Variants in UNC5B observed in about 807,000 individuals in gnomAD.
UNC5B encodes the protein unc-5 netrin receptor B, also known as netrin receptor UNC5B.
UNC5B carries 56 observed loss-of-function variants against 103.7 expected under a neutral mutation model. That is an observed-to-expected ratio of 0.54 (90% CI 0.44 to 0.67). The LOEUF (loss-of-function observed/expected upper bound fraction) is 0.67. Ranked by LOEUF, UNC5B falls within the 30% of genes least tolerant of loss-of-function variation. UNC5B has a pLI of 0.00. For synonymous variants in UNC5B, 577 were observed against 542.0 expected (o/e 1.06, Z -0.90); for missense variants, 1,194 against 1,284.5 (o/e 0.93, Z 1.08).
chr10:71,218,612 G>T (rs972313434), intron 1 of UNC5B, among the ~76,000 whole-genome samples: 10 of 152,230 alleles, frequency 6.6e-5, no homozygotes, highest in Admixed American at 4.6e-4. Flanking sequence ...GGGGAGGAAG[G>T]TTGGCAGAGA....
intron 15 of UNC5B, 75 bp downstream of exon 15, chr10:71,296,817 TCCA>T: frequency 7.2e-7 from 1 of 1,387,656 alleles, no homozygotes. Context: ...GGGCAGATAT[TCCA>T]GCTGCACACC....
rs766964717 is a variant in UNC5B, at chr10:71,292,567, C to T, written c.1772+13C>T. ...CAGAAAGTACCCTGTGAGTAGAGCC[C>T]CAGCCGCTGCTCCTTTTTCTTCCTC... On this transcript the variant is annotated intron_variant, in intron 11 of 16. Coordinates refer to ENST00000335350, the MANE Select transcript of UNC5B (RefSeq NM_170744.5). 1.3e-6 allele frequency: 2 copies of T among 1,585,642 alleles called. No individual in the cohort carries two copies. Among genetic ancestry groups the T allele is most frequent in the Non-Finnish European group, 1.7e-6 (2 of 1,164,452 alleles).
At chr10:71,234,082 AG>A (rs1477251996) in intron 1 of UNC5B, among the ~76,000 whole-genome samples, 2 of 152,224 alleles carry the variant, frequency 1.3e-5, no homozygotes, top group Non-Finnish European at 2.9e-5. Context: ...GGTTAGGTCA[AG>A]TGTGAAGTTA....
chr10:71,234,945 C>T lies in UNC5B; in HGVS notation c.79+21881C>T, dbSNP rs148509477. ...GGATTTGGCATCCAGATCCCCTCCC[C>T]AGCAGGCCAGATAGATTCCCACTGG... On this transcript the variant is annotated intron_variant, in intron 1 of 16. Coordinates refer to ENST00000335350, the MANE Select transcript of UNC5B (RefSeq NM_170744.5). Among the ~76,000 whole-genome samples, 1,065 of 152,296 alleles carry T rather than the reference C, an allele frequency of 7.0e-3. 7 individuals are homozygous for T. Among genetic ancestry groups the T allele is most frequent in the South Asian group, 0.025 (122 of 4,832 alleles).
intron 2 of UNC5B, among the ~76,000 whole-genome samples, chr10:71,280,791 T>C (rs372872666): frequency 3.3e-5 from 5 of 152,204 alleles, no homozygotes; most frequent in African/African-American, 9.7e-5. Flanking sequence ...CTGTTGATAG[T>C]GCAGGAGCCC....
At chr10:71,259,397 A>G (rs1347546733) in intron 1 of UNC5B, among the ~76,000 whole-genome samples, 5 of 152,108 alleles carry the variant, frequency 3.3e-5, no homozygotes, top group African/African-American at 1.2e-4. Flanking sequence ...AAAAAAAAAA[A>G]AAAAGGAAAA....
At chr10:71,291,207 A>G in intron 9 of UNC5B, 98 bp downstream of exon 9, 1 of 1,453,596 alleles carries the variant, frequency 6.9e-7, no homozygotes, top group Admixed American at 2.1e-5. Context: ...ACTCCCTCCC[A>G]GGGTTTTTCC....
At chr10:71,278,917 G>T (rs922850528) in intron 1 of UNC5B, among the ~76,000 whole-genome samples, 6 of 152,262 alleles carry the variant, frequency 3.9e-5, no homozygotes, top group African/African-American at 1.4e-4. Context: ...TAAACCAGCA[G>T]GTCAATGGCC....
At chr10:71,280,424 A>G (rs1844894619) in intron 2 of UNC5B, among the ~76,000 whole-genome samples, 1 of 152,206 alleles carries the variant, frequency 6.6e-6, no homozygotes, top group South Asian at 2.1e-4. Flanking sequence ...TTATTTTTAC[A>G]GTTCCCTTCT....
rs111720388 is a variant in UNC5B at position 71,276,445 on chromosome 10, T to C, written c.80-3376T>C. Reference sequence around the variant, plus strand: ...GCCAAGGAGAAGTGAGGGCTCTCGTTGTTTTGGAAACAGAGTCTCACTTTG... The same window carrying C: ...GCCAAGGAGAAGTGAGGGCTCTCGTCGTTTTGGAAACAGAGTCTCACTTTG... On this transcript the variant is annotated intron_variant, in intron 1 of 16. Coordinates refer to ENST00000335350, the MANE Select transcript of UNC5B (RefSeq NM_170744.5). Among the ~76,000 whole-genome samples, 1,125 of 152,344 alleles carry C rather than the reference T, an allele frequency of 7.4e-3. 11 individuals are homozygous for C. Among genetic ancestry groups the C allele is most frequent in the Non-Finnish European group, 9.1e-3 (621 of 68,034 alleles).
chr10:71,234,294 C>T (rs767840053), intron 1 of UNC5B, among the ~76,000 whole-genome samples: 1 of 152,160 alleles, frequency 6.6e-6, no homozygotes, highest in Non-Finnish European at 1.5e-5. Flanking sequence ...TTTGCTGGGG[C>T]CCTCACGGAG....
intron 1 of UNC5B, among the ~76,000 whole-genome samples, chr10:71,270,807 T>G (rs886880620): frequency 1.3e-5 from 2 of 152,140 alleles, no homozygotes; most frequent in African/African-American, 4.8e-5. Flanking sequence ...ACTCACCCCA[T>G]GCCAACCCTG....
intron 1 of UNC5B, among the ~76,000 whole-genome samples, chr10:71,253,056 T>C (rs1002077917): frequency 6.6e-6 from 1 of 152,236 alleles, no homozygotes; most frequent in Non-Finnish European, 1.5e-5. Flanking sequence ...CCTCCATCCC[T>C]CTTAGCTCTT....
rs1420886880 is a variant in UNC5B at position 71,212,866 on chromosome 10, C to G, written c.-120C>G. Reference sequence around the variant, plus strand: ...TGCCCCCACGGAAGGCACGGGCTGGCGCTGCCGGGCGCCGGGGAGGACGGC... The same window carrying G: ...TGCCCCCACGGAAGGCACGGGCTGGGGCTGCCGGGCGCCGGGGAGGACGGC... On this transcript the variant is annotated 5_prime_UTR_variant, in exon 1 of 17. Transcript: ENST00000335350. 1 of 820,486 alleles carries G rather than the reference C, an allele frequency of 1.2e-6. No homozygotes were observed. The highest frequency in any genetic ancestry group is 1.8e-5 in the African/African-American group (1 of 56,038). The allele number at this position is 820,486 out of a possible 1,614,324, so 50.8% of individuals were successfully genotyped here. A position where few individuals can be genotyped will look rare whatever the true frequency, so the allele number is the denominator to read the frequency against.
At chr10:71,282,961 CA>C (rs5786032) in intron 2 of UNC5B, among the ~76,000 whole-genome samples, 4 of 151,194 alleles carry the variant, frequency 2.6e-5, no homozygotes, top group Non-Finnish European at 4.4e-5. Flanking sequence ...CAAAAAAATA[CA>C]AAAAAAAATT....
rs1343923275 is a variant in UNC5B at position 71,299,960 on chromosome 10, TAGA to T, written c.*685_*687del. The T allele has an allele frequency of 1.3e-5, 2 of 151,428 alleles. No individual in the cohort carries two copies. The highest frequency in any genetic ancestry group is 4.9e-5 in the African/African-American group (2 of 41,108). 9.4% of individuals were successfully genotyped at this position (151,428 alleles called of 1,614,324 possible). ...AAAATGAAAAACAACACAAAAAAAA[TAGA>T]AAACTCTTTTCTTGAGTGTGGATGA... On this transcript the variant is annotated 3_prime_UTR_variant, in exon 17 of 17. Coordinates refer to ENST00000335350, the MANE Select transcript of UNC5B (RefSeq NM_170744.5).
rs1262226411 is a variant in UNC5B, at chr10:71,293,502, C to T, written c.1870C>T (p.His624Tyr). 1.9e-6 allele frequency: 3 copies of T among 1,614,002 alleles called. No homozygotes were observed. The highest frequency in any genetic ancestry group is 1.7e-5 in the Admixed American group (1 of 60,012). Residue 624 changes from histidine (H) to tyrosine (Y), a missense_variant, in exon 12 of 17, where the codon CAC becomes TAC. Physicochemically the swap from His to Tyr is moderately conservative, Grantham distance 83. Coordinates refer to ENST00000335350, the MANE Select transcript of UNC5B (RefSeq NM_170744.5). ...CCGCCCCGTCATCCTCACCATGCCC[C>T]ACTGTGCCGAAGTCAGTGCCCGTGA... Reference protein sequence around the residue: ...LCRPVILTMPHCAEVSARDWI... With the variant: ...LCRPVILTMPYCAEVSARDWI...
At chr10:71,245,933 A>G (rs932313956) in intron 1 of UNC5B, among the ~76,000 whole-genome samples, 1 of 152,146 alleles carries the variant, frequency 6.6e-6, no homozygotes, top group African/African-American at 2.4e-5. Flanking sequence ...TACTGGTGAT[A>G]CACCGCCAGC....
chr10:71,276,568 G>A (rs1437346120), intron 1 of UNC5B, among the ~76,000 whole-genome samples: 4 of 152,178 alleles, frequency 2.6e-5, no homozygotes, highest in African/African-American at 9.7e-5. Flanking sequence ...CGAGTAGCTG[G>A]GATTAGAGGT....
Sources: gnomAD v4.1 joint callset for allele counts (sites outside exome capture counted in the v4.1 genomes callset) on GRCh38, gnomAD v4.1.1 for gene constraint, MANE v1.5 for transcripts, NCBI Gene and HGNC (gene_info 2026-07-23, HGNC 2026-07-21) for gene names.